ABLIM1: variants seen among roughly 807,000 people sequenced by gnomAD.
The protein encoded by ABLIM1 is actin binding LIM protein 1, also known as actin-binding LIM protein 1.
A neutral mutation model predicts 107.0 loss-of-function variants in ABLIM1; 40 were observed. The ratio of observed to expected loss-of-function variants is 0.37; its 90% CI spans 0.29 to 0.49. The LOEUF (loss-of-function observed/expected upper bound fraction) is 0.49, where lower values mean the gene tolerates loss of function less well. Ranked by LOEUF, ABLIM1 falls within the 20% of genes least tolerant of loss-of-function variation. The pLI, the probability that ABLIM1 is intolerant of heterozygous loss-of-function variation, is 0.97. For synonymous variants in ABLIM1, 357 were observed against 357.3 expected (o/e 1.00, Z 0.01); for missense variants, 857 against 1,008.5 (o/e 0.85, Z 2.04).
chr10:114,739,974 C>T (rs2082254286), intron 1 of ABLIM1, among the ~76,000 whole-genome samples: 1 of 151,934 alleles, frequency 6.6e-6, no homozygotes, highest in Non-Finnish European at 1.5e-5. Context: ...AGATGGATTC[C>T]CTATTTTCAG....
At chr10:114,696,164 C>T (rs1480946639) in intron 1 of ABLIM1, among the ~76,000 whole-genome samples, 2 of 152,172 alleles carry the variant, frequency 1.3e-5, no homozygotes, top group Non-Finnish European at 2.9e-5. Flanking sequence ...GCTCCTTGCC[C>T]AGGCTCCACC....
chr10:114,651,971 A>C (rs1162783042), intron 1 of ABLIM1, among the ~76,000 whole-genome samples: 1 of 152,218 alleles, frequency 6.6e-6, no homozygotes, highest in African/African-American at 2.4e-5. Flanking sequence ...CTCTCAAAGT[A>C]GCCTAGTCAA....
chr10:114,717,592 A>C (rs2081700331), intron 1 of ABLIM1, among the ~76,000 whole-genome samples: 1 of 152,060 alleles, frequency 6.6e-6, no homozygotes, highest in Non-Finnish European at 1.5e-5. Context: ...ACTGCCTCCA[A>C]ATAAGTAAAT....
chr10:114,602,048 A>C, intron 1 of ABLIM1, 87 bp from the exon 2 acceptor site: 2 of 1,544,424 alleles, frequency 1.3e-6, no homozygotes, highest in Non-Finnish European at 1.8e-6. Context: ...TTTTGGTGTC[A>C]AATGAGCCAC....
intron 12 of ABLIM1, among the ~76,000 whole-genome samples, chr10:114,465,061 T>C (rs936987129): frequency 6.6e-6 from 1 of 152,190 alleles, no homozygotes; most frequent in Non-Finnish European, 1.5e-5. Flanking sequence ...TCTACTGTAG[T>C]GATGCCTAAT....
intron 1 of ABLIM1, chr10:114,690,169 T>C: frequency 1.4e-6 from 2 of 1,379,344 alleles, no homozygotes; most frequent in Non-Finnish European, 1.0e-6. Context: ...CAGTCAGCAA[T>C]GGTGATTTTC....
At chr10:114,670,035 G>C (rs1355214990) in intron 1 of ABLIM1, among the ~76,000 whole-genome samples, 1 of 152,158 alleles carries the variant, frequency 6.6e-6, no homozygotes, top group East Asian at 1.9e-4. Context: ...AAATCACCAT[G>C]TTAAAGTGTA....
chr10:114,786,874 G>A, the ABLIM1 span, among the ~76,000 whole-genome samples: 1 of 152,150 alleles, frequency 6.6e-6, no homozygotes, highest in Admixed American at 6.5e-5. Context: ...GCCTGCCTTG[G>A]CCTCCCAAAG....
intron 1 of ABLIM1, among the ~76,000 whole-genome samples, chr10:114,615,383 TC>T (rs1203890555): frequency 6.6e-6 from 1 of 152,180 alleles, no homozygotes; most frequent in Non-Finnish European, 1.5e-5. Context: ...CTCTCCTCCT[TC>T]TGGTCACACC....
At chr10:114,526,937 C>T in intron 6 of ABLIM1, 3 of 985,518 alleles carry the variant, frequency 3.0e-6, no homozygotes, top group Non-Finnish European at 3.6e-6. Flanking sequence ...GCTTTACTTA[C>T]TAGTTCAACA....
In ABLIM1 at chr10:114,674,914, C is replaced by T. The variant is rs115487181; in HGVS notation, c.64+9376G>A. Among the ~76,000 whole-genome samples the T allele has an allele frequency of 5.9e-3, 901 of 152,192 alleles. 8 individuals are homozygous for T. Among genetic ancestry groups the T allele is most frequent in the African/African-American group, 0.013 (539 of 41,534 alleles). Reference sequence around the variant, plus strand: ...GAGGCTGGATCTCAGGCAGTTTCTGCCCAGAATTCCCTGACCTAATCTTTC... The same window carrying T: ...GAGGCTGGATCTCAGGCAGTTTCTGTCCAGAATTCCCTGACCTAATCTTTC... On this transcript the variant is annotated intron_variant, in intron 1 of 23. Coordinates refer to the ABLIM1 transcript ENST00000369256.
chr10:114,462,150 C>T (rs1206764812), intron 12 of ABLIM1, among the ~76,000 whole-genome samples: 1 of 152,170 alleles, frequency 6.6e-6, no homozygotes, highest in East Asian at 1.9e-4. Flanking sequence ...AGAACAAGCT[C>T]CTCAATGGAA....
chr10:114,465,796 T>A lies in ABLIM1; in HGVS notation c.1343A>T (p.His448Leu). ...GATGGAGCCCTGGCTCGTGGACCGA[T>A]GGATCATCCGATCCCGAACATCCTG... ...GYQDVRDRMIHRSTSQGSINS... is the reference protein window; with the variant it reads ...GYQDVRDRMILRSTSQGSINS... Residue 448 changes from histidine to leucine, a missense_variant, in exon 12 of 23, where the codon CAT becomes CTT. Physicochemically the swap from His to Leu is moderately conservative, Grantham distance 99 (BLOSUM62 -3). Transcript: ENST00000533213. The A allele has an allele frequency of 6.2e-7, 1 of 1,614,170 alleles. No individual in the cohort carries two copies. The highest frequency in any genetic ancestry group is 8.5e-7 in the Non-Finnish European group (1 of 1,180,016).
chr10:114,755,456 A>G (rs1270270923), intron 1 of ABLIM1, among the ~76,000 whole-genome samples: 1 of 152,194 alleles, frequency 6.6e-6, no homozygotes, highest in Non-Finnish European at 1.5e-5. Flanking sequence ...TGGAGGTCCA[A>G]TATGGACTCT....
intron 1 of ABLIM1, among the ~76,000 whole-genome samples, chr10:114,695,343 T>C (rs74621274): frequency 0.013 from 1,920 of 152,320 alleles, 50 homozygotes; most frequent in African/African-American, 0.044. Context: ...GCTCTCCATA[T>C]GTTCTCATTT....
chr10:114,753,749 G>T (rs2082569445), intron 1 of ABLIM1, among the ~76,000 whole-genome samples: 1 of 152,248 alleles, frequency 6.6e-6, no homozygotes, highest in Admixed American at 6.5e-5. Context: ...CTTGGATAAA[G>T]AACCCAGCCC....
chr10:114,658,069 G>GA lies in ABLIM1; in HGVS notation c.131dup (p.Ser45LeufsTer9). 1 of 1,614,210 alleles carries GA rather than the reference G, an allele frequency of 6.2e-7. No homozygotes were observed. The highest frequency in any genetic ancestry group is 8.5e-7 in the Non-Finnish European group (1 of 1,180,040). ...TATGAGCGGTGAAGGAGGTCCCAGA[G>GA]ACCCTCCGGTCCTCAACAATCAGTC... is the stretch of plus-strand genomic sequence containing the variant. On this transcript the variant is annotated frameshift_variant, in exon 1 of 23. Transcript: ENST00000533213. LOFTEE classifies it high-confidence loss of function.
At chr10:114,694,991 T>C (rs217188) in intron 1 of ABLIM1, among the ~76,000 whole-genome samples, 8,272 of 152,242 alleles carry the variant, frequency 0.054, 254 homozygotes, top group Middle Eastern at 0.088. Flanking sequence ...TGAATCAGAA[T>C]TCGCATTTCA....
chr10:114,617,294 T>C (rs1295455902), intron 1 of ABLIM1, among the ~76,000 whole-genome samples: 1 of 146,692 alleles, frequency 6.8e-6, no homozygotes, highest in Non-Finnish European at 1.5e-5. Flanking sequence ...GGAGTTTTGC[T>C]CTTGTTGCCC....
Sources: allele counts gnomAD v4.1 joint callset (sites outside exome capture counted in the v4.1 genomes callset), GRCh38; gene constraint gnomAD v4.1.1; transcripts MANE v1.5; gene names NCBI Gene and HGNC (gene_info 2026-07-23, HGNC 2026-07-21).